ACBD6: variants seen among roughly 807,000 people sequenced by gnomAD.
ACBD6 encodes the protein acyl-CoA-binding domain-containing protein 6.
Under a neutral mutation model 37.2 loss-of-function variants are expected in ACBD6, and 28 were observed. The ratio of observed to expected loss-of-function variants is 0.75; its 90% CI spans 0.56 to 1.03. ACBD6 has a LOEUF of 1.03. Ranked by LOEUF, ACBD6 falls within the 50% of genes least tolerant of loss-of-function variation. ACBD6 has a pLI of 0.00. For missense variants in ACBD6, 340 were observed against 337.4 expected (o/e 1.01, Z -0.06); for synonymous variants, 113 against 126.8 (o/e 0.89, Z 0.73).
At chr1:180,378,566 A>G (rs1653526768) in intron 6 of ACBD6, among the ~76,000 whole-genome samples, 1 of 152,248 alleles carries the variant, frequency 6.6e-6, no homozygotes. Flanking sequence ...TGCTTTTGCA[A>G]CTTTTCTGTA....
chr1:180,277,882 G>GGA (rs1649132690), intron 9 of ACBD6: 1 of 149,648 alleles, frequency 6.7e-6, no homozygotes, highest in Non-Finnish European at 1.5e-5. Context: ...TTTTTTGGGG[G>GGA]GGGGCAGTGT....
intron 3 of ACBD6, among the ~76,000 whole-genome samples, chr1:180,471,845 T>A (rs7530015): frequency 0.95 from 145,429 of 152,282 alleles, 69,510 homozygotes; most frequent in African/African-American, 0.99. Context: ...AATAAAATTT[T>A]AAATTCCAGA....
At chr1:180,501,282 T>G (rs560698987) in intron 1 of ACBD6, among the ~76,000 whole-genome samples, 55 of 152,364 alleles carry the variant, frequency 3.6e-4, no homozygotes, top group Admixed American at 1.3e-4. Context: ...ATCAAAGATA[T>G]TTAGGATTTT....
chr1:180,454,268 A>G (rs1262682930), intron 3 of ACBD6, among the ~76,000 whole-genome samples: 1 of 152,206 alleles, frequency 6.6e-6, no homozygotes, highest in Non-Finnish European at 1.5e-5. Context: ...AAAACAAGCA[A>G]TGGGGAAAGG....
intron 3 of ACBD6, among the ~76,000 whole-genome samples, chr1:180,446,492 A>T (rs1045909899): frequency 2.6e-5 from 4 of 152,094 alleles, no homozygotes; most frequent in African/African-American, 4.8e-5. Context: ...GAAATACTAA[A>T]TTTTTTCCTG....
chr1:180,397,710 TTATTCTAAG>T (rs1275072142), intron 5 of ACBD6, 105 bp from the exon 6 acceptor site: 2 of 975,094 alleles, frequency 2.1e-6, no homozygotes, highest in Non-Finnish European at 3.3e-6. Flanking sequence ...TATGGGTTAA[TTATTCTAAG>T]AATGATTGAT....
chr1:180,446,877 C>A (rs1015065599), intron 3 of ACBD6, among the ~76,000 whole-genome samples: 1 of 152,102 alleles, frequency 6.6e-6, no homozygotes, highest in African/African-American at 2.4e-5. Context: ...CCCATCTCTA[C>A]TAAAAATACA....
intron 6 of ACBD6, among the ~76,000 whole-genome samples, chr1:180,357,094 C>T (rs1185935407): frequency 2.0e-5 from 3 of 152,162 alleles, no homozygotes; most frequent in Non-Finnish European, 2.9e-5. Context: ...TTTAATGACA[C>T]TACTGAGCTT....
rs1009527747 is a variant in ACBD6 at position 180,502,285 on chromosome 1, T to C, written c.-19A>G. 70 of 1,611,148 alleles carry C rather than the reference T, an allele frequency of 4.3e-5. No individual in the cohort carries two copies. Among genetic ancestry groups the C allele is most frequent in the Non-Finnish European group, 5.8e-5 (68 of 1,179,562 alleles). On this transcript the variant is annotated 5_prime_UTR_variant, in exon 1 of 8. Coordinates refer to ENST00000367595, the MANE Select transcript of ACBD6 (RefSeq NM_032360.4). ...AAGCCATGTCTCCTTGCTCGCTCCG[T>C]CCCTCTGTGTCCGGTCTGTCCTCCT...
intron 6 of ACBD6, among the ~76,000 whole-genome samples, chr1:180,373,196 C>T (rs563406145): frequency 1.6e-4 from 25 of 152,290 alleles, no homozygotes; most frequent in South Asian, 4.1e-4. Context: ...ATTTCTCTGA[C>T]TTTGATTACC....
intron 3 of ACBD6, among the ~76,000 whole-genome samples, chr1:180,490,547 G>A (rs1050456702): frequency 6.6e-6 from 1 of 151,414 alleles, no homozygotes; most frequent in African/African-American, 2.4e-5. Context: ...AGGCCGAGGC[G>A]GGCAGATCAC....
At chr1:180,395,355 T>C (rs1204525750) in intron 6 of ACBD6, among the ~76,000 whole-genome samples, 1 of 152,188 alleles carries the variant, frequency 6.6e-6, no homozygotes, top group Non-Finnish European at 1.5e-5. Flanking sequence ...TAAACATTTA[T>C]TCTACTTTCT....
intron 5 of ACBD6, among the ~76,000 whole-genome samples, chr1:180,411,801 G>A (rs776019372): frequency 1.3e-4 from 20 of 152,186 alleles, no homozygotes; most frequent in Non-Finnish European, 2.2e-4. Flanking sequence ...CCGAGTAGCT[G>A]GGATTACAGG....
At chr1:180,338,888 C>T (rs1241509696) in intron 6 of ACBD6, among the ~76,000 whole-genome samples, 2 of 152,218 alleles carry the variant, frequency 1.3e-5, no homozygotes, top group Admixed American at 1.3e-4. Context: ...ATAGACACTT[C>T]TCAAAAGAAG....
intron 6 of ACBD6, among the ~76,000 whole-genome samples, chr1:180,364,906 T>C (rs543020437): frequency 3.9e-5 from 6 of 152,014 alleles, no homozygotes; most frequent in Admixed American, 6.6e-5. Context: ...GCTAATTTTC[T>C]GTAGTTTTAA....
intron 3 of ACBD6, among the ~76,000 whole-genome samples, chr1:180,455,330 A>G (rs546691236): frequency 7.2e-5 from 11 of 151,770 alleles, no homozygotes; most frequent in African/African-American, 2.7e-4. Context: ...ATGAAAACAC[A>G]TGGACACGGG....
At chr1:180,337,244 A>G (rs1157014282) in intron 6 of ACBD6, among the ~76,000 whole-genome samples, 1 of 152,210 alleles carries the variant, frequency 6.6e-6, no homozygotes, top group Non-Finnish European at 1.5e-5. Context: ...CATCGATGCA[A>G]AAATCCTCAA....
chr1:180,320,595 T>C (rs1418030386), intron 6 of ACBD6, among the ~76,000 whole-genome samples: 2 of 152,104 alleles, frequency 1.3e-5, no homozygotes, highest in Non-Finnish European at 2.9e-5. Context: ...GCTGAGATCA[T>C]GCCACTGCAC....
downstream of ACBD6, among the ~76,000 whole-genome samples, chr1:180,283,838 T>C (rs909888539): frequency 3.9e-5 from 6 of 152,058 alleles, no homozygotes; most frequent in Non-Finnish European, 7.4e-5. Flanking sequence ...TCAAAGGAAA[T>C]TCTCATTGAA....
Sources: allele counts gnomAD v4.1 joint callset (sites outside exome capture counted in the v4.1 genomes callset), GRCh38; gene constraint gnomAD v4.1.1; transcripts MANE v1.5; gene names NCBI Gene and HGNC (gene_info 2026-07-23, HGNC 2026-07-21).